EPS8L2: variants seen among roughly 807,000 people sequenced by gnomAD.
EPS8L2 encodes the protein EPS8 signaling adaptor L2, also known as epidermal growth factor receptor kinase substrate 8-like protein 2.
EPS8L2 carries 81 observed loss-of-function variants against 99.4 expected under a neutral mutation model. That is an observed-to-expected ratio of 0.82 (90% CI 0.68 to 0.98). The LOEUF (loss-of-function observed/expected upper bound fraction) is 0.98. EPS8L2 is among the 50% of genes least tolerant of loss of function. The pLI is 0.00. For synonymous variants in EPS8L2, 509 were observed against 407.3 expected (o/e 1.25, Z -3.01); for missense variants, 1,155 against 968.8 (o/e 1.19, Z -2.55).
rs1409322794 is a variant in EPS8L2, at chr11:710,505, G to A, written c.165+19G>A. On this transcript the variant is annotated intron_variant, in intron 4 of 20. Coordinates refer to ENST00000318562, the MANE Select transcript of EPS8L2 (RefSeq NM_022772.4). Reference sequence around the variant, plus strand: ...CGTCCAGGTAAGGCCCCGCCCCCAGGTAGGCTCCGCCCCCAGGGAGCACCC... The same window carrying A: ...CGTCCAGGTAAGGCCCCGCCCCCAGATAGGCTCCGCCCCCAGGGAGCACCC... 1 of 1,611,574 alleles carries A rather than the reference G, an allele frequency of 6.2e-7. No homozygotes were observed. The highest frequency in any genetic ancestry group is 8.5e-7 in the Non-Finnish European group (1 of 1,178,094).
At chr11:720,535 C>A in intron 5 of EPS8L2, 62 bp from the exon 6 acceptor site, 1 of 1,555,510 alleles carries the variant, frequency 6.4e-7, no homozygotes, top group South Asian at 1.2e-5. Context: ...ACAGCTCCGG[C>A]CACTCCCTGC....
intron 12 of EPS8L2, 84 bp downstream of exon 12, chr11:722,249 G>C: frequency 1.3e-6 from 2 of 1,544,516 alleles, no homozygotes; most frequent in South Asian, 2.3e-5. Flanking sequence ...GGTTGGGGCA[G>C]CAGGTGCCCG....
Position 721,052 on chromosome 11 carries a change from C to A in EPS8L2, c.558-12C>A. 7.3e-7 allele frequency: 1 copy of A among 1,377,198 alleles called. No homozygotes were observed. The highest frequency in any genetic ancestry group is 2.5e-5 in the East Asian group (1 of 40,048). 85.3% of individuals were successfully genotyped at this position (1,377,198 alleles called of 1,614,324 possible). ...TCCCGGCGGGGCTGAGCAGGACCCCCTCGCCCTCCAGGGGACACCAGGAGA... is the reference window on the plus strand; with the variant it reads ...TCCCGGCGGGGCTGAGCAGGACCCCATCGCCCTCCAGGGGACACCAGGAGA... On this transcript the variant is annotated splice_polypyrimidine_tract_variant and intron_variant, in intron 7 of 20. Transcript: ENST00000318562.
chr11:715,499 C>T (rs936146853), intron 4 of EPS8L2, among the ~76,000 whole-genome samples: 2 of 151,868 alleles, frequency 1.3e-5, no homozygotes, highest in Non-Finnish European at 2.9e-5. Context: ...TCATAACTAA[C>T]TTTGGGCTCT....
At chr11:707,641 C>T (rs1400545915) in intron 1 of EPS8L2, among the ~76,000 whole-genome samples, 2 of 151,936 alleles carry the variant, frequency 1.3e-5, no homozygotes, top group East Asian at 1.9e-4. Flanking sequence ...GGAGGCAGCC[C>T]CATACCCATG....
At chr11:722,612 A>AG (rs1862210970) in intron 13 of EPS8L2, 61 bp from the exon 14 acceptor site, 1 of 1,609,848 alleles carries the variant, frequency 6.2e-7, no homozygotes, top group African/African-American at 1.3e-5. Flanking sequence ...GGGGCCAGCA[A>AG]GGGGGTCCTG....
chr11:720,039 A>C (rs751212718), intron 4 of EPS8L2, 23 bp from the exon 5 acceptor site: 1 of 1,602,830 alleles, frequency 6.2e-7, no homozygotes, highest in South Asian at 1.1e-5. Flanking sequence ...TCTGCCCAGC[A>C]GTGACCACCT....
intron 3 of EPS8L2, 53 bp from the exon 4 acceptor site, chr11:710,369 G>T: frequency 6.4e-7 from 1 of 1,569,614 alleles, no homozygotes; most frequent in South Asian, 1.1e-5. Flanking sequence ...CCAACTGGAC[G>T]GGAGGCTGTG....
chr11:720,802 C>T (rs1227895514), intron 6 of EPS8L2, 28 bp from the exon 7 acceptor site: 6 of 1,542,670 alleles, frequency 3.9e-6, no homozygotes, highest in Non-Finnish European at 5.2e-6. Context: ...GCCCCGCCCT[C>T]CTGGCCGCCT....
intron 4 of EPS8L2, among the ~76,000 whole-genome samples, chr11:714,509 G>A (rs1861967204): frequency 6.6e-6 from 1 of 151,906 alleles, no homozygotes; most frequent in African/African-American, 2.4e-5. Context: ...GGGATTACAG[G>A]CGTGAGCCGC....
At chr11:709,903 C>T (rs1861838109) in intron 3 of EPS8L2, 6 of 506,972 alleles carry the variant, frequency 1.2e-5, no homozygotes, top group East Asian at 3.5e-5. Context: ...CAGGATAAGC[C>T]GCCAGGTGTC....
In EPS8L2 at chr11:724,758, G is replaced by C. The variant is rs369088154; in HGVS notation, c.1489G>C (p.Val497Leu). 5 of 1,613,448 alleles carry C rather than the reference G, an allele frequency of 3.1e-6. No individual in the cohort carries two copies. The highest frequency in any genetic ancestry group is 1.1e-5 in the South Asian group (1 of 91,092). The change falls in exon 16 of 21, where the codon GTC (valine) becomes CTC (leucine). Residue 497 changes from valine to leucine, a missense_variant. Transcript: ENST00000318562. The surrounding 1 kb of genome is among the most constrained non-coding windows in gnomAD (Gnocchi z 5.5). ...YQPTPAMAKY[V>L]KILYDFTARN... Reference sequence around the variant, plus strand: ...GCCAACACCAGCCATGGCCAAGTACGTCAAGATCCTGTATGACTTCACAGC... The same window carrying C: ...GCCAACACCAGCCATGGCCAAGTACCTCAAGATCCTGTATGACTTCACAGC...
At position 726,031 on chromosome 11, in the gene EPS8L2, G is replaced by A. The variant is rs189899012; in HGVS notation, c.1681-67G>A. The A allele has an allele frequency of 3.8e-3, 5,016 of 1,318,540 alleles. 122 individuals carry two copies. The African/African-American group carries it at 0.063, about 17-fold the overall frequency. The allele number at this position is 1,318,540 out of a possible 1,614,324, so 81.7% of individuals were successfully genotyped here. On this transcript the variant is annotated intron_variant, in intron 17 of 20. Transcript: ENST00000318562. ...TGTAGGGGGATTGGCGGGGTGGGGA[G>A]GTCCCGGGCAGGTGCTGGGAGGCGG... is the stretch of plus-strand genomic sequence containing the variant.
rs1405558789 is a variant in EPS8L2, at chr11:726,622, C to A, written c.1938C>A (p.Ile646=). 6.4e-7 allele frequency: 1 copy of A among 1,551,158 alleles called. No individual in the cohort carries two copies. ...WLEAKAFSPR[I]VENLGILTGP... is the part of the protein sequence containing the mutation. ...ACGCCCAACTGCCCGCCCCCAGGAT[C>A]GTGGAGAACCTGGGCATCCTGACCG... The change falls in exon 20 of 21, where the codon ATC becomes ATA. Residue 646 remains isoleucine (I), a synonymous_variant. Transcript: ENST00000318562.
At chr11:725,936 C>T (rs1161778237) in intron 17 of EPS8L2, 89 bp downstream of exon 17, 4 of 1,380,252 alleles carry the variant, frequency 2.9e-6, no homozygotes, top group African/African-American at 3.1e-5. Context: ...GCCAGCCCCG[C>T]GGCTGGAGAG....
In EPS8L2 at chr11:709,849, T is replaced by C. The variant is rs1229085717; in HGVS notation, c.100+241T>C. 5.1e-6 allele frequency: 3 copies of C among 589,436 alleles called. No individual in the cohort carries two copies. In the East Asian group the frequency reaches 8.4e-5, roughly 17 times the overall value. 36.5% of individuals were successfully genotyped at this position (589,436 alleles called of 1,614,324 possible). On this transcript the variant is annotated intron_variant, in intron 3 of 20. Coordinates refer to ENST00000318562, the MANE Select transcript of EPS8L2 (RefSeq NM_022772.4). ...TAATTCAGGGAGCATCAATATTGAT[T>C]CCGCTGCACTCATTGCTGTAACCTG... is the stretch of plus-strand genomic sequence containing the variant.
chr11:721,183 C>T lies in EPS8L2; in HGVS notation c.677C>T (p.Pro226Leu). ...DSPEAKNRVG[P>L]QVPLSEPGFR... ...CCGGAGGCCAAGAATCGCGTGGGCCCGCAGGTGCCACTCAGCGAGCCAGGT... is the reference window on the plus strand; with the variant it reads ...CCGGAGGCCAAGAATCGCGTGGGCCTGCAGGTGCCACTCAGCGAGCCAGGT... Residue 226 changes from proline to leucine, a missense_variant, in exon 8 of 21, where the codon CCG becomes CTG. Coordinates refer to ENST00000318562, the MANE Select transcript of EPS8L2 (RefSeq NM_022772.4). The T allele has an allele frequency of 6.5e-7, 1 of 1,534,072 alleles. No homozygotes were observed. Among genetic ancestry groups the T allele is most frequent in the Non-Finnish European group, 8.8e-7 (1 of 1,142,660 alleles).
In EPS8L2 at chr11:722,485, G is replaced by C. The variant is rs774067035; in HGVS notation, c.1144G>C (p.Gly382Arg). The C allele has an allele frequency of 6.2e-7, 1 of 1,613,448 alleles. No homozygotes were observed. The highest frequency in any genetic ancestry group is 8.5e-7 in the Non-Finnish European group (1 of 1,179,938). ...CCGAGATGCCGTGGACTTCCTGCGC[G>C]GCCACCTGGTCCCTAAGGAGATGTC... ...LSRDAVDFLR[G>R]HLVPKEMSLW... Residue 382 changes from glycine to arginine, a missense_variant, in exon 13 of 21, where the codon GGC (glycine) becomes CGC (arginine). Physicochemically the swap from Gly to Arg is moderately radical, Grantham distance 125. Transcript: ENST00000318562.
chr11:722,777 AG>A lies in EPS8L2; in HGVS notation c.1317del (p.Leu440TrpfsTer9). On this transcript the variant is annotated frameshift_variant, in exon 14 of 21. Coordinates refer to ENST00000318562, the MANE Select transcript of EPS8L2 (RefSeq NM_022772.4). LOFTEE classifies it high-confidence loss of function. ...CTGCAGGAGGCCCCCTGGGAGGTGG[AG>A]GGGCTGGCGTCTGCCCCCATCGAGG... ...DVLQEAPWEV[E>X]GLASAPIEEV... 1 of 1,594,900 alleles carries A rather than the reference AG, an allele frequency of 6.3e-7. No homozygotes were observed. Among genetic ancestry groups the A allele is most frequent in the Admixed American group, 1.7e-5 (1 of 57,686 alleles).
Sources: allele counts gnomAD v4.1 joint callset (sites outside exome capture counted in the v4.1 genomes callset), GRCh38; gene constraint gnomAD v4.1.1; non-coding constraint Gnocchi (gnomAD v3.1); transcripts MANE v1.5; gene names NCBI Gene and HGNC (gene_info 2026-07-23, HGNC 2026-07-21).